Variants in DPYD observed in about 807,000 individuals in gnomAD.
DPYD encodes dihydropyrimidine dehydrogenase.
In DPYD, 109 loss-of-function variants were observed where a neutral mutation model predicts 116.2. The observed-to-expected ratio is 0.94, with a 90% CI of 0.80 to 1.10. The LOEUF (loss-of-function observed/expected upper bound fraction) is 1.10. DPYD is among the 50% of genes least tolerant of loss of function. The pLI is 0.00. For synonymous variants in DPYD, 440 were observed against 432.0 expected, an observed-to-expected ratio of 1.02 and a Z score of -0.23; for missense variants, 1,302 against 1,254.5, an observed-to-expected ratio of 1.04 and a Z score of -0.57.
At position 97,129,470 on chromosome 1, in the gene DPYD, T is replaced by A. The variant is rs1036811902; in HGVS notation, c.2623-30838A>T. On this transcript the variant is annotated intron_variant, in intron 20 of 22. Coordinates refer to ENST00000370192, the MANE Select transcript of DPYD (RefSeq NM_000110.4). ...CCTTGTCACGATCATTGATATATAG[T>A]AACACAGCTGCAGAGACTAGAAAGC... 3.9e-5 allele frequency among the ~76,000 whole-genome samples: 6 copies of A among 152,172 alleles called. 1 individual carries two copies. In the South Asian group the frequency reaches 1.2e-3, roughly 31 times the overall value.
At chr1:97,784,898 C>T (rs1244650508) in intron 3 of DPYD, among the ~76,000 whole-genome samples, 2 of 152,122 alleles carry the variant, frequency 1.3e-5, no homozygotes, top group Non-Finnish European at 2.9e-5. Flanking sequence ...ATTTTAATGA[C>T]AAACAGATGC....
At chr1:97,468,207 T>C (rs903240964) in intron 13 of DPYD, among the ~76,000 whole-genome samples, 2 of 152,246 alleles carry the variant, frequency 1.3e-5, no homozygotes, top group African/African-American at 4.8e-5. Context: ...GCTTTCTTAC[T>C]GCTACTTACA....
chr1:97,287,915 A>G (rs1009447993), intron 18 of DPYD, among the ~76,000 whole-genome samples: 1 of 152,032 alleles, frequency 6.6e-6, no homozygotes, highest in Non-Finnish European at 1.5e-5. Flanking sequence ...GTCAAGTCCC[A>G]TCAGTGTGCT....
intron 3 of DPYD, among the ~76,000 whole-genome samples, chr1:97,793,676 A>G (rs192059459): frequency 6.6e-6 from 1 of 152,316 alleles, no homozygotes; most frequent in East Asian, 1.9e-4. Context: ...AAACGAAAAA[A>G]AACTTTGACC....
intron 17 of DPYD, 113 bp downstream of exon 17, chr1:97,306,064 A>C (rs1308561361): frequency 6.4e-7 from 1 of 1,566,230 alleles, no homozygotes; most frequent in African/African-American, 1.4e-5. Context: ...AAACTTTTAA[A>C]ATTGAGACAA....
At chr1:97,244,476 C>T (rs962960783) in intron 18 of DPYD, among the ~76,000 whole-genome samples, 5 of 151,704 alleles carry the variant, frequency 3.3e-5, no homozygotes, top group Non-Finnish European at 5.9e-5. Flanking sequence ...AAATCCAGTG[C>T]GCAGAGAGGT....
At chr1:97,093,433 T>A (rs1650024921) in intron 21 of DPYD, among the ~76,000 whole-genome samples, 1 of 152,214 alleles carries the variant, frequency 6.6e-6, no homozygotes, top group Admixed American at 6.5e-5. Context: ...TGAATAGTCA[T>A]CTTAACGTGG....
intron 18 of DPYD, among the ~76,000 whole-genome samples, chr1:97,272,726 T>A (rs1222999485): frequency 6.6e-6 from 1 of 152,120 alleles, no homozygotes; most frequent in East Asian, 1.9e-4. Context: ...GCTTTTTTTC[T>A]TTTTGACTGA....
At chr1:97,492,121 T>A (rs1679007763) in intron 13 of DPYD, among the ~76,000 whole-genome samples, 1 of 152,164 alleles carries the variant, frequency 6.6e-6, no homozygotes, top group Admixed American at 6.5e-5. Context: ...CATTACAAAA[T>A]ATAGTGCAAA....
Position 97,556,136 on chromosome 1 carries a change from A to C in DPYD, c.1340-6392T>G, listed in dbSNP as rs777665091. 2.6e-4 allele frequency among the ~76,000 whole-genome samples: 39 copies of C among 152,162 alleles called. 1 individual carries two copies. The highest frequency in any genetic ancestry group is 4.4e-5 in the Non-Finnish European group (3 of 68,028). On this transcript the variant is annotated intron_variant, in intron 11 of 22. Transcript: ENST00000370192. The stretch of plus-strand genomic sequence containing the variant: ...CTTACTCTCAGGGTCATGCAAAGGC[A>C]AAGTTGTTGGACAGGCACCTAAGGT...
intron 18 of DPYD, among the ~76,000 whole-genome samples, chr1:97,284,974 C>T (rs1248856232): frequency 6.6e-6 from 1 of 152,100 alleles, no homozygotes; most frequent in Admixed American, 6.5e-5. Flanking sequence ...TTTCTGTCTG[C>T]TTGTTTGGGA....
At position 97,678,714 on chromosome 1, in the gene DPYD, C is replaced by A. The variant is rs540844219; in HGVS notation, c.850+381G>T. Reference sequence around the variant, plus strand: ...TTTGGAAAATGAATAGCAAAGGGAACGAGCCAACTCCATCCTTTATGATCA... The same window carrying A: ...TTTGGAAAATGAATAGCAAAGGGAAAGAGCCAACTCCATCCTTTATGATCA... On this transcript the variant is annotated intron_variant, in intron 8 of 22. Coordinates refer to ENST00000370192, the MANE Select transcript of DPYD (RefSeq NM_000110.4). Among the ~76,000 whole-genome samples the A allele has an allele frequency of 2.0e-5, 3 of 152,066 alleles. No individual in the cohort carries two copies. The South Asian group carries it at 6.2e-4, about 32-fold the overall frequency.
intron 2 of DPYD, among the ~76,000 whole-genome samples, chr1:97,848,987 T>G (rs1670445977): frequency 6.6e-6 from 1 of 152,136 alleles, no homozygotes; most frequent in Admixed American, 6.5e-5. Context: ...CGTGAAATGA[T>G]AGTGATTACA....
intron 20 of DPYD, among the ~76,000 whole-genome samples, chr1:97,190,153 G>A (rs1658256307): frequency 6.6e-6 from 1 of 151,988 alleles, no homozygotes; most frequent in Non-Finnish European, 1.5e-5. Flanking sequence ...TTCTTCATTG[G>A]GTATTTCCAA....
intron 3 of DPYD, among the ~76,000 whole-genome samples, chr1:97,778,774 A>G (rs1226321600): frequency 2.0e-5 from 3 of 152,180 alleles, no homozygotes; most frequent in African/African-American, 7.2e-5. Context: ...GAAAATCAAA[A>G]GAGTAGTATC....
chr1:97,868,382 T>C (rs1372970970), intron 2 of DPYD, among the ~76,000 whole-genome samples: 5 of 151,778 alleles, frequency 3.3e-5, no homozygotes, highest in Non-Finnish European at 5.9e-5. Context: ...AGACTTCAAA[T>C]GATATCTGTA....
intron 14 of DPYD, among the ~76,000 whole-genome samples, chr1:97,414,665 T>C (rs1674192370): frequency 1.3e-5 from 2 of 152,244 alleles, no homozygotes; most frequent in Admixed American, 6.5e-5. Context: ...TACTGGACTC[T>C]TATTTATTTG....
chr1:97,884,933 T>C (rs1188724346), intron 1 of DPYD, among the ~76,000 whole-genome samples: 1 of 152,088 alleles, frequency 6.6e-6, no homozygotes, highest in African/African-American at 2.4e-5. Context: ...TTTTTGATCT[T>C]TGATTTCCTC....
At chr1:97,460,487 G>A (rs1309323238) in intron 13 of DPYD, among the ~76,000 whole-genome samples, 2 of 151,938 alleles carry the variant, frequency 1.3e-5, no homozygotes, top group Non-Finnish European at 2.9e-5. Flanking sequence ...GAGGCATTGG[G>A]GCTCAAAAAA....
Sources: allele counts gnomAD v4.1 joint callset (sites outside exome capture counted in the v4.1 genomes callset), GRCh38; gene constraint gnomAD v4.1.1; transcripts MANE v1.5; gene names NCBI Gene and HGNC (gene_info 2026-07-23, HGNC 2026-07-21).